Variants in TRAF3IP2 observed in about 807,000 individuals in gnomAD.
TRAF3IP2 encodes E3 ubiquitin ligase TRAF3IP2.
Under a neutral mutation model 57.9 loss-of-function variants are expected in TRAF3IP2, and 35 were observed. The observed-to-expected ratio is 0.60, with a 90% CI of 0.46 to 0.80. The LOEUF is 0.80. Ranked by LOEUF, TRAF3IP2 falls within the 30% of genes least tolerant of loss-of-function variation. TRAF3IP2 has a pLI of 0.00. For synonymous variants in TRAF3IP2, 251 were observed against 268.9 expected (o/e 0.93, Z 0.65); for missense variants, 556 against 706.4 (o/e 0.79, Z 2.41).
rs566584632 is a variant in TRAF3IP2 at position 111,567,696 on chromosome 6, C to CAA, written c.1291-6_1291-5dup. On this transcript the variant is annotated splice_region_variant and splice_polypyrimidine_tract_variant and intron_variant, in intron 5 of 8. Transcript: ENST00000368761. Reference sequence around the variant, plus strand: ...TTCTATCCTCAAATATGTCAATCTGCAAAAAAAAAGATGTGGGAGTTGGCC... The same window carrying CAA: ...TTCTATCCTCAAATATGTCAATCTGCAAAAAAAAAAAGATGTGGGAGTTGGCC... 5.2e-6 allele frequency: 8 copies of CAA among 1,536,522 alleles called. No individual in the cohort carries two copies. The highest frequency in any genetic ancestry group is 3.7e-5 in the South Asian group (3 of 81,194).
intron 1 of TRAF3IP2, among the ~76,000 whole-genome samples, chr6:111,593,258 G>A (rs181864510): frequency 1.2e-4 from 18 of 152,274 alleles, no homozygotes; most frequent in Admixed American, 2.6e-4. Flanking sequence ...AGAGAGAAAA[G>A]GGATTATGTC....
intron 1 of TRAF3IP2, chr6:111,594,602 G>C: frequency 7.3e-6 from 3 of 409,784 alleles, no homozygotes; most frequent in South Asian, 5.3e-5. Context: ...GTCATCCTCT[G>C]GTGGGAATTC....
At chr6:111,586,482 G>A (rs1463252746) in intron 2 of TRAF3IP2, among the ~76,000 whole-genome samples, 1 of 152,060 alleles carries the variant, frequency 6.6e-6, no homozygotes, top group Non-Finnish European at 1.5e-5. Flanking sequence ...CAGGGGGTGG[G>A]GTGAGGAGAA....
At chr6:111,571,539 G>A (rs768723162) in intron 5 of TRAF3IP2, among the ~76,000 whole-genome samples, 26 of 152,178 alleles carry the variant, frequency 1.7e-4, no homozygotes, top group Non-Finnish European at 2.9e-4. Context: ...TACCAGAAAT[G>A]AGAAAGGGAA....
chr6:111,578,585 G>A (rs1024191748), intron 3 of TRAF3IP2, among the ~76,000 whole-genome samples: 3 of 152,234 alleles, frequency 2.0e-5, no homozygotes, highest in African/African-American at 7.2e-5. Context: ...GAAGGTTTCA[G>A]TGAGTCGAGA....
chr6:111,575,281 T>C (rs552700785), intron 4 of TRAF3IP2, among the ~76,000 whole-genome samples: 1 of 151,844 alleles, frequency 6.6e-6, no homozygotes, highest in South Asian at 2.1e-4. Flanking sequence ...CATCACAAAG[T>C]ATAAGACCTC....
intron 2 of TRAF3IP2, chr6:111,587,086 C>T (rs1230734002): frequency 6.6e-6 from 1 of 152,168 alleles, no homozygotes; most frequent in Non-Finnish European, 1.5e-5. Flanking sequence ...GCAACCCTGA[C>T]CCTCTTCTCT....
intron 7 of TRAF3IP2, 108 bp from the exon 8 acceptor site, chr6:111,563,147 T>C: frequency 2.6e-6 from 2 of 777,284 alleles, no homozygotes; most frequent in Non-Finnish European, 4.3e-6. Flanking sequence ...ATTTCCATAC[T>C]TGAGTGCCAC....
chr6:111,573,579 A>T (rs1248776961), intron 4 of TRAF3IP2: 1 of 141,768 alleles, frequency 7.1e-6, no homozygotes, highest in Non-Finnish European at 1.6e-5. Flanking sequence ...ATATGTTAGT[A>T]AAAAAACACT....
At chr6:111,572,201 A>G (rs942706441) in intron 5 of TRAF3IP2, among the ~76,000 whole-genome samples, 1 of 152,062 alleles carries the variant, frequency 6.6e-6, no homozygotes, top group Non-Finnish European at 1.5e-5. Context: ...CATAGAGAAA[A>G]ATTTACATGG....
chr6:111,591,358 C>T lies in TRAF3IP2; in HGVS notation c.729G>A (p.Arg243=), dbSNP rs1370639448. The change falls in exon 2 of 9, where the codon AGG becomes AGA. Residue 243 remains arginine (R), a synonymous_variant. Coordinates refer to ENST00000368761, the MANE Select transcript of TRAF3IP2 (RefSeq NM_147686.4). The surrounding 1 kb of genome is among the most constrained non-coding windows in gnomAD (Gnocchi z 4.9). Reference sequence around the variant, plus strand: ...GCAGCATCTGTGCACATGCTGGATACCTCTGAGGTTCAAACTGAGGGAACT... The same window carrying T: ...GCAGCATCTGTGCACATGCTGGATATCTCTGAGGTTCAAACTGAGGGAACT... ...SREFPQFEPQ[R]YPACAQMLPP... is the part of the protein sequence containing the mutation. 1.3e-6 allele frequency: 2 copies of T among 1,540,446 alleles called. No individual in the cohort carries two copies. Among genetic ancestry groups the T allele is most frequent in the African/African-American group, 1.4e-5 (1 of 72,210 alleles).
In TRAF3IP2 at chr6:111,559,275, G is replaced by C. The variant is rs1007279262; in HGVS notation, c.*130C>G. ...AGCTCTGCACAACAGGTTTCCTGGG[G>C]GCCAGAGGGCCTCTCGGGGAGGAAC... On this transcript the variant is annotated 3_prime_UTR_variant, in exon 9 of 9. Transcript: ENST00000368761. 6 of 1,305,792 alleles carry C rather than the reference G, an allele frequency of 4.6e-6. No homozygotes were observed. The highest frequency in any genetic ancestry group is 6.3e-6 in the Non-Finnish European group (6 of 953,566). 80.9% of individuals were successfully genotyped at this position (1,305,792 alleles called of 1,614,324 possible). A position where few individuals can be genotyped will look rare whatever the true frequency, so the allele number is the denominator to read the frequency against.
chr6:111,590,055 C>T (rs1796457362), intron 2 of TRAF3IP2, among the ~76,000 whole-genome samples: 1 of 152,054 alleles, frequency 6.6e-6, no homozygotes, highest in Non-Finnish European at 1.5e-5. Context: ...CCAGTGGCCT[C>T]AGCGGAGATT....
chr6:111,563,077 T>C, intron 7 of TRAF3IP2, 38 bp from the exon 8 acceptor site: 2 of 1,490,360 alleles, frequency 1.3e-6, no homozygotes, highest in Non-Finnish European at 1.9e-6. Context: ...ATTTCAGGAA[T>C]GAGGATGAGG....
chr6:111,596,666 C>G (rs1025003464), intron 1 of TRAF3IP2, among the ~76,000 whole-genome samples: 1 of 152,198 alleles, frequency 6.6e-6, no homozygotes, highest in Non-Finnish European at 1.5e-5. Flanking sequence ...GTTGGCCAGA[C>G]TGGTCTCAAA....
chr6:111,559,023 T>C lies in TRAF3IP2; in HGVS notation c.*382A>G, dbSNP rs1179284556. On this transcript the variant is annotated 3_prime_UTR_variant, in exon 9 of 9. Transcript: ENST00000368761. The stretch of plus-strand genomic sequence containing the variant: ...CAAGCATCTGGCTAACTCATAAAAG[T>C]AGCCTGAAGTGATTGATAGGAGAGT... The C allele has an allele frequency of 5.9e-6, 1 of 168,896 alleles. No individual in the cohort carries two copies. The highest frequency in any genetic ancestry group is 2.4e-5 in the African/African-American group (1 of 42,160). The allele number at this position is 168,896 out of a possible 1,614,324, so 10.5% of individuals were successfully genotyped here.
intron 1 of TRAF3IP2, chr6:111,598,029 G>A (rs1322345155): frequency 2.5e-6 from 1 of 399,592 alleles, no homozygotes; most frequent in African/African-American, 2.1e-5. Flanking sequence ...GCAGTGCCCT[G>A]GGTCATCTCA....
intron 4 of TRAF3IP2, 114 bp downstream of exon 4, chr6:111,575,529 A>G (rs2128375541): frequency 3.3e-6 from 4 of 1,198,966 alleles, no homozygotes; most frequent in Non-Finnish European, 4.6e-6. Context: ...CGGAGCTTGC[A>G]GTGAGCTGAG....
rs187146688 is a variant in TRAF3IP2 at position 111,563,080 on chromosome 6, G to A, written c.1477-41C>T. 7.8e-3 allele frequency: 11,560 copies of A among 1,479,916 alleles called. 54 individuals are homozygous for A. The highest frequency in any genetic ancestry group is 9.3e-3 in the Non-Finnish European group (9,915 of 1,063,602). The allele number at this position is 1,479,916 out of a possible 1,614,324, so 91.7% of individuals were successfully genotyped here. On this transcript the variant is annotated intron_variant, in intron 7 of 8. Transcript: ENST00000368761. The stretch of plus-strand genomic sequence containing the variant: ...TGTGAAGGTTTAATTTCAGGAATGA[G>A]GATGAGGAGTTAATGGTACCCATAA...
Sources: gnomAD v4.1 joint callset for allele counts (sites outside exome capture counted in the v4.1 genomes callset) on GRCh38, gnomAD v4.1.1 for gene constraint, Gnocchi (gnomAD v3.1) non-coding constraint, MANE v1.5 for transcripts, NCBI Gene and HGNC (gene_info 2026-07-23, HGNC 2026-07-21) for gene names.